Variants in TRRAP observed in about 807,000 individuals in gnomAD.
The protein encoded by TRRAP is transformation/transcription domain associated protein, also known as transformation/transcription domain-associated protein.
Under a neutral mutation model 438.8 loss-of-function variants are expected in TRRAP, and 41 were observed. The observed-to-expected ratio is 0.09, with a 90% confidence interval of 0.07 to 0.12. The LOEUF is 0.12. TRRAP is among the 10% of genes least tolerant of loss of function. The probability of loss-of-function intolerance (pLI) is 1.00; values close to 1 mark genes in which losing one functional copy is unlikely to be tolerated. For synonymous variants in TRRAP, 1,994 were observed against 1,962.9 expected, an observed-to-expected ratio of 1.02 and a Z score of -0.42; for missense variants, 3,122 against 5,055.1, an observed-to-expected ratio of 0.62 and a Z score of 11.60.
chr7:98,951,103 T>C (rs1434698731), intron 39 of TRRAP, 99 bp downstream of exon 39: 25 of 564,774 alleles, frequency 4.4e-5, no homozygotes, highest in Non-Finnish European at 6.5e-5. Context: ...GTTAAGGGGG[T>C]TCATTGAAAT....
intron 23 of TRRAP, 114 bp downstream of exon 23, chr7:98,927,480 A>T: frequency 7.5e-7 from 1 of 1,336,334 alleles, no homozygotes; most frequent in African/African-American, 1.5e-5. Context: ...TGGCTGATTG[A>T]TTTTCGGCTT....
Position 98,956,655 on chromosome 7 carries a change from C to A in TRRAP, c.6231+122C>A. 6.9e-7 allele frequency: 1 copy of A among 1,455,504 alleles called. No individual in the cohort carries two copies. The highest frequency in any genetic ancestry group is 9.1e-7 in the Non-Finnish European group (1 of 1,094,916). 90.2% of individuals were successfully genotyped at this position (1,455,504 alleles called of 1,614,324 possible). A position where few individuals can be genotyped will look rare whatever the true frequency, so the allele number is the denominator to read the frequency against. On this transcript the variant is annotated intron_variant, in intron 43 of 72. Transcript: ENST00000456197. The surrounding 1 kb of genome is among the most constrained non-coding windows in gnomAD (Gnocchi z 4.5). ...ATTCAGGAGAGGAAGCTGGGAACAGCCACGGTCACCAGATTGAAACTCCAG... is the reference window on the plus strand; with the variant it reads ...ATTCAGGAGAGGAAGCTGGGAACAGACACGGTCACCAGATTGAAACTCCAG...
In TRRAP at chr7:98,977,087, G is replaced by A. The variant is rs111737608; in HGVS notation, c.8385+11G>A. The stretch of plus-strand genomic sequence containing the variant: ...GGGTTCTTTGAGCAGGTAAACCTCA[G>A]ACCACTGACGGTCTTGGGTGTGTAA... On this transcript the variant is annotated intron_variant, in intron 56 of 72. Transcript: ENST00000456197. 1,755 of 1,614,146 alleles carry A rather than the reference G, an allele frequency of 1.1e-3. 12 individuals carry two copies. In the African/African-American group the frequency reaches 0.016, roughly 15 times the overall value.
rs572213858 is a variant in TRRAP at position 99,012,477 on chromosome 7, C to T, written c.*122C>T. Reference sequence around the variant, plus strand: ...GAAGCCCCATAGTTTCACTGGGTTGCGGTTATTTTCCTGGTAGTTTGCGTG... The same window carrying T: ...GAAGCCCCATAGTTTCACTGGGTTGTGGTTATTTTCCTGGTAGTTTGCGTG... On this transcript the variant is annotated 3_prime_UTR_variant, in exon 73 of 73. Transcript: ENST00000456197. This position sits in a 1 kb window ranked among gnomAD's most constrained non-coding sequence, Gnocchi z 5.9. The T allele has an allele frequency of 1.6e-5, 20 of 1,220,740 alleles. No homozygotes were observed. Among genetic ancestry groups the T allele is most frequent in the African/African-American group, 1.4e-4 (9 of 65,386 alleles). The allele number at this position is 1,220,740 out of a possible 1,614,324, so 75.6% of individuals were successfully genotyped here. A position where few individuals can be genotyped will look rare whatever the true frequency, so the allele number is the denominator to read the frequency against.
intron 51 of TRRAP, among the ~76,000 whole-genome samples, chr7:98,969,864 G>A (rs1034824812): frequency 6.6e-6 from 1 of 152,154 alleles, no homozygotes; most frequent in Non-Finnish European, 1.5e-5. Context: ...GTGTTCAGGA[G>A]TTAAGAGTGG....
Position 98,953,263 on chromosome 7 carries a change from A to C in TRRAP, c.5560A>C (p.Ile1854Leu). The C allele has an allele frequency of 6.2e-7, 1 of 1,613,586 alleles. No homozygotes were observed. Among genetic ancestry groups the C allele is most frequent in the East Asian group, 2.2e-5 (1 of 44,846 alleles). The stretch of plus-strand genomic sequence containing the variant: ...GCTGGTGGAGCACGCCCCCCACCAC[A>C]TCCATGACAACAACAAGAACCGCAA... ...TLLVEHAPHH[I>L]HDNNKNRNSK... Residue 1854 changes from isoleucine (I) to leucine (L), a missense_variant, in exon 40 of 73, where the codon ATC becomes CTC. Physicochemically the swap from Ile to Leu is conservative, Grantham distance 5 (BLOSUM62 2). Transcript: ENST00000456197.
chr7:98,936,962 C>T (rs1790583924), intron 28 of TRRAP, among the ~76,000 whole-genome samples, 194 bp from the exon 29 acceptor site: 1 of 152,140 alleles, frequency 6.6e-6, no homozygotes. Context: ...GGGGCAGTGG[C>T]TCACAGCTGT....
rs782058341 is a variant in TRRAP, at chr7:98,942,970, G to C, written c.4426G>C (p.Glu1476Gln). 1.2e-6 allele frequency: 2 copies of C among 1,614,196 alleles called. No homozygotes were observed. The highest frequency in any genetic ancestry group is 2.2e-5 in the East Asian group (1 of 44,880). Reference protein sequence around the residue: ...QMMQHLRKWMEVVVITHKGGQ... With the variant: ...QMMQHLRKWMQVVVITHKGGQ... ...ACAGCAACATCTGCGCAAGTGGATG[G>C]AAGTGGTGGTGATCACCCACAAAGG... is the stretch of plus-strand genomic sequence containing the variant. Residue 1476 changes from glutamate to glutamine, a missense_variant, in exon 31 of 73, where the codon GAA becomes CAA. By Grantham distance (29) the Glu-to-Gln change is conservative (BLOSUM62 2). Around this residue, in one of 24 missense-constraint regions of TRRAP, gnomAD observed 108 missense variants for 256.9 expected, o/e 0.42. Transcript: ENST00000456197.
chr7:98,913,738 C>T lies in TRRAP; in HGVS notation c.2199+1525C>T, dbSNP rs533599094. On this transcript the variant is annotated intron_variant, in intron 18 of 72. Coordinates refer to ENST00000456197, the MANE Select transcript of TRRAP (RefSeq NM_001375524.1). Reference sequence around the variant, plus strand: ...TAAGAACATCTTAGAGAAGATGTCCCATCATACATTTTTATGGATGACTAA... The same window carrying T: ...TAAGAACATCTTAGAGAAGATGTCCTATCATACATTTTTATGGATGACTAA... Among the ~76,000 whole-genome samples, 3 of 152,266 alleles carry T rather than the reference C, an allele frequency of 2.0e-5. No individual in the cohort carries two copies. The South Asian group carries it at 6.2e-4, about 32-fold the overall frequency.
chr7:98,970,337 G>T (rs561450470), intron 52 of TRRAP, 46 bp downstream of exon 52: 3 of 1,592,700 alleles, frequency 1.9e-6, no homozygotes, highest in African/African-American at 2.7e-5. Context: ...AGGAGGTGAG[G>T]CCCCACACCC....
intron 67 of TRRAP, among the ~76,000 whole-genome samples, chr7:98,996,006 TC>T (rs1400273991): frequency 1.1e-5 from 1 of 86,990 alleles, no homozygotes; most frequent in African/African-American, 4.6e-5. Context: ...TGCACCCCCG[TC>T]CCATCTACTC....
chr7:98,992,797 T>G (rs1339654068), intron 65 of TRRAP, among the ~76,000 whole-genome samples: 2 of 152,194 alleles, frequency 1.3e-5, no homozygotes, highest in Non-Finnish European at 2.9e-5. Flanking sequence ...GCCCCTTGTT[T>G]TCAATGCTGA....
chr7:98,909,114 C>T (rs937712475), intron 14 of TRRAP, 152 bp downstream of exon 14: 6 of 733,388 alleles, frequency 8.2e-6, no homozygotes, highest in Non-Finnish European at 1.3e-5. Context: ...ACCTCTGCCT[C>T]CTGGGTTCAA....
At chr7:98,884,953 C>G (rs1396858261) in intron 3 of TRRAP, among the ~76,000 whole-genome samples, 1 of 152,080 alleles carries the variant, frequency 6.6e-6, no homozygotes, top group Non-Finnish European at 1.5e-5. Context: ...GTCTCATAGA[C>G]AGATGAGAAA....
At chr7:98,947,730 A>G (rs112902793) in intron 33 of TRRAP, among the ~76,000 whole-genome samples, 1 of 152,182 alleles carries the variant, frequency 6.6e-6, no homozygotes, top group Non-Finnish European at 1.5e-5. Context: ...TGCTGGGATT[A>G]CAGGCATGAG....
chr7:98,970,400 C>G, intron 52 of TRRAP, 109 bp downstream of exon 52: 1 of 1,368,568 alleles, frequency 7.3e-7, no homozygotes, highest in Non-Finnish European at 9.8e-7. Flanking sequence ...CGGGCAGAAT[C>G]CCAGAGAGGA....
In TRRAP at chr7:98,931,398, C is replaced by T. The variant is rs781883955; in HGVS notation, c.3592-7C>T. ...TGCTTTCATTCTAAGACATCCCTGA[C>T]TTGCAGGTTTCCAATGGGGCAGTCG... On this transcript the variant is annotated splice_region_variant and splice_polypyrimidine_tract_variant and intron_variant, in intron 25 of 72. Transcript: ENST00000456197. The T allele has an allele frequency of 1.2e-6, 2 of 1,612,418 alleles. No individual in the cohort carries two copies. The highest frequency in any genetic ancestry group is 1.7e-6 in the Non-Finnish European group (2 of 1,179,290).
At chr7:98,937,847 G>C (rs566367300) in intron 30 of TRRAP, 27 bp downstream of exon 30, 11 of 1,577,826 alleles carry the variant, frequency 7.0e-6, no homozygotes, top group Non-Finnish European at 9.5e-6. Context: ...TAAACGCTCT[G>C]TAACAAACTT....
intron 23 of TRRAP, among the ~76,000 whole-genome samples, chr7:98,928,265 T>C (rs1252339656): frequency 6.6e-6 from 1 of 151,868 alleles, no homozygotes; most frequent in Non-Finnish European, 1.5e-5. Flanking sequence ...AAAAAAAATG[T>C]CATGCCACTG....
Sources: allele counts gnomAD v4.1 joint callset (sites outside exome capture counted in the v4.1 genomes callset), GRCh38; gene constraint gnomAD v4.1.1; regional missense constraint gnomAD v4.1.1; non-coding constraint Gnocchi (gnomAD v3.1); transcripts MANE v1.5; gene names NCBI Gene and HGNC (gene_info 2026-07-23, HGNC 2026-07-21).